Variants in RYR2 observed in about 807,000 individuals in gnomAD.
The protein encoded by RYR2 is ryanodine receptor 2.
RYR2 carries 227 observed loss-of-function variants against 601.1 expected under a neutral mutation model. That is an observed-to-expected ratio of 0.38 (90% CI 0.34 to 0.42). The LOEUF (loss-of-function observed/expected upper bound fraction) is 0.42. RYR2 is among the 10% of genes least tolerant of loss of function. RYR2 has a pLI of 1.00. For synonymous variants in RYR2, 2,223 were observed against 2,175.1 expected, an observed-to-expected ratio of 1.02 and a Z score of -0.61; for missense variants, 4,646 against 6,156.5, an observed-to-expected ratio of 0.75 and a Z score of 8.21.
chr1:237,623,929 G>T (rs1204445303), intron 39 of RYR2, 59 bp downstream of exon 39: 1 of 1,120,632 alleles, frequency 8.9e-7, no homozygotes, highest in Non-Finnish European at 1.4e-6. Flanking sequence ...CATATATCCT[G>T]AGACGAAATT....
chr1:237,767,581 A>G (rs1267545575), intron 84 of RYR2, among the ~76,000 whole-genome samples: 1 of 152,202 alleles, frequency 6.6e-6, no homozygotes, highest in Non-Finnish European at 1.5e-5. Flanking sequence ...GGATTATAAT[A>G]AACCTGAATT....
chr1:237,773,449 C>T, intron 86 of RYR2, 71 bp from the exon 87 acceptor site: 1 of 1,116,036 alleles, frequency 9.0e-7, no homozygotes, highest in East Asian at 2.4e-5. Context: ...GGCATAAAGT[C>T]CAAGACTGGT....
chr1:237,548,694 T>A (rs1402219961), intron 26 of RYR2, 104 bp downstream of exon 26: 1 of 1,363,198 alleles, frequency 7.3e-7, no homozygotes, highest in Non-Finnish European at 1.0e-6. Context: ...TTGTATCATA[T>A]AGATCACATA....
At chr1:237,112,356 C>T (rs11587813) in intron 1 of RYR2, among the ~76,000 whole-genome samples, 33,579 of 151,992 alleles carry the variant, frequency 0.22, 3,927 homozygotes, top group African/African-American at 0.26. Context: ...TCAGGTGATC[C>T]GCCCGCCTCG....
intron 2 of RYR2, among the ~76,000 whole-genome samples, chr1:237,327,770 C>T (rs904406455): frequency 6.6e-6 from 1 of 152,098 alleles, no homozygotes; most frequent in Non-Finnish European, 1.5e-5. Context: ...CTGTGATAAG[C>T]TCTCTACATA....
chr1:237,274,719 C>T (rs61832457), intron 2 of RYR2, among the ~76,000 whole-genome samples: 4,894 of 152,220 alleles, frequency 0.032, 104 homozygotes, highest in Non-Finnish European at 0.048. Flanking sequence ...AACTTCCGGT[C>T]GTGCAAGCTC....
chr1:237,609,753 C>G (rs1381794055), intron 35 of RYR2, among the ~76,000 whole-genome samples: 1 of 152,126 alleles, frequency 6.6e-6, no homozygotes, highest in Non-Finnish European at 1.5e-5. Flanking sequence ...TTCCCCCATT[C>G]TAGCTTTCTG....
rs1689584784 is a variant in RYR2 at position 237,270,620 on chromosome 1, G to A, written c.168+4G>A. On this transcript the variant is annotated splice_donor_region_variant and intron_variant, in intron 2 of 104. Transcript: ENST00000366574. The stretch of plus-strand genomic sequence containing the variant: ...GGAGTCCACTTCCAATTCCAAGGTG[G>A]GATGAAGTCTTTCAAGGCTATTCAA... 1.3e-6 allele frequency: 2 copies of A among 1,573,516 alleles called. No homozygotes were observed. The highest frequency in any genetic ancestry group is 1.7e-6 in the Non-Finnish European group (2 of 1,158,508).
At chr1:237,353,210 T>A (rs529649826) in intron 3 of RYR2, among the ~76,000 whole-genome samples, 49 of 152,160 alleles carry the variant, frequency 3.2e-4, no homozygotes, top group Admixed American at 4.6e-4. Flanking sequence ...AAACTTTTTT[T>A]AAAAAAGTTT....
chr1:237,600,371 A>G (rs565410275), intron 34 of RYR2, among the ~76,000 whole-genome samples: 2 of 152,332 alleles, frequency 1.3e-5, no homozygotes, highest in East Asian at 1.9e-4. Flanking sequence ...TCTTCAATAA[A>G]TGGTACAGGG....
At chr1:237,608,793 C>T (rs1677439851) in intron 35 of RYR2, among the ~76,000 whole-genome samples, 1 of 104,822 alleles carries the variant, frequency 9.5e-6, no homozygotes, top group Non-Finnish European at 1.8e-5. Context: ...TTCAGACTGA[C>T]CTGTTTTTTT....
intron 94 of RYR2, among the ~76,000 whole-genome samples, chr1:237,793,321 G>A (rs1029806950): frequency 6.6e-6 from 1 of 152,128 alleles, no homozygotes; most frequent in Non-Finnish European, 1.5e-5. Flanking sequence ...CGTGTAAAAA[G>A]AGAATCATTA....
At chr1:237,720,552 C>A (rs1018469626) in intron 73 of RYR2, among the ~76,000 whole-genome samples, 1 of 152,154 alleles carries the variant, frequency 6.6e-6, no homozygotes, top group Non-Finnish European at 1.5e-5. Flanking sequence ...GTTTATAAAG[C>A]CTCTATTGGA....
At chr1:237,125,399 A>T (rs1036019842) in intron 1 of RYR2, among the ~76,000 whole-genome samples, 1 of 150,816 alleles carries the variant, frequency 6.6e-6, no homozygotes, top group Non-Finnish European at 1.5e-5. Context: ...AAGCAAAGGG[A>T]TGACTTAACA....
At chr1:237,355,650 C>T (rs1054017001) in intron 3 of RYR2, among the ~76,000 whole-genome samples, 15 of 151,928 alleles carry the variant, frequency 9.9e-5, no homozygotes, top group African/African-American at 1.7e-4. Flanking sequence ...AATCAGAAGG[C>T]CTATTACGTT....
intron 1 of RYR2, among the ~76,000 whole-genome samples, chr1:237,199,644 C>G (rs960275786): frequency 6.6e-6 from 1 of 152,258 alleles, no homozygotes; most frequent in South Asian, 2.1e-4. Context: ...TAGGCACACC[C>G]AGGAGCAACA....
intron 27 of RYR2, among the ~76,000 whole-genome samples, chr1:237,556,965 T>C (rs528556949): frequency 6.6e-6 from 1 of 150,406 alleles, no homozygotes; most frequent in South Asian, 2.1e-4. Context: ...CTGTGGGTTA[T>C]GAATGTGAGT....
chr1:237,349,239 A>G (rs1698552901), intron 3 of RYR2, among the ~76,000 whole-genome samples: 1 of 152,198 alleles, frequency 6.6e-6, no homozygotes, highest in African/African-American at 2.4e-5. Context: ...AAGCTGTAAT[A>G]AGACTGATAC....
intron 11 of RYR2, among the ~76,000 whole-genome samples, chr1:237,422,821 G>T (rs1248458773): frequency 6.6e-6 from 1 of 152,168 alleles, no homozygotes; most frequent in Non-Finnish European, 1.5e-5. Context: ...ATAGAATAGG[G>T]CGCTGTGTGG....
Sources: gnomAD v4.1 joint callset for allele counts (sites outside exome capture counted in the v4.1 genomes callset) on GRCh38, gnomAD v4.1.1 for gene constraint, MANE v1.5 for transcripts, NCBI Gene and HGNC (gene_info 2026-07-23, HGNC 2026-07-21) for gene names.